The following DTNB variants were observed in gnomAD, a reference collection of about 807,000 sequenced individuals.
DTNB encodes dystrobrevin beta, also known as DTN-B.
DTNB carries 63 observed loss-of-function variants against 90.7 expected under a neutral mutation model. That is an observed-to-expected ratio of 0.69 (90% CI 0.57 to 0.86). The LOEUF is 0.86. Among genes scored for constraint, DTNB ranks in the 40% least tolerant of loss-of-function variants. The pLI is 0.00. For missense variants in DTNB, 744 were observed against 807.1 expected, an observed-to-expected ratio of 0.92 and a Z score of 0.95; for synonymous variants, 277 against 286.7, an observed-to-expected ratio of 0.97 and a Z score of 0.34.
chr2:25,534,870 G>A (rs2079074476), intron 8 of DTNB, among the ~76,000 whole-genome samples: 1 of 149,562 alleles, frequency 6.7e-6, no homozygotes, highest in South Asian at 2.1e-4. Context: ...GCTGGGCAGA[G>A]GCGCTCCTCA....
chr2:25,554,681 G>C (rs933379011), intron 8 of DTNB, among the ~76,000 whole-genome samples: 7 of 152,056 alleles, frequency 4.6e-5, no homozygotes, highest in Admixed American at 3.9e-4. Context: ...ATCAATAGGA[G>C]GATAACAGGT....
chr2:25,384,659 G>A (rs2038949993), intron 18 of DTNB, among the ~76,000 whole-genome samples: 1 of 152,160 alleles, frequency 6.6e-6, no homozygotes, highest in African/African-American at 2.4e-5. Context: ...CCCGTGAAAG[G>A]CGAGCCTGCA....
chr2:25,602,035 T>C (rs1165628463), intron 5 of DTNB, among the ~76,000 whole-genome samples: 1 of 151,356 alleles, frequency 6.6e-6, no homozygotes, highest in African/African-American at 2.4e-5. Flanking sequence ...GGCAGGAGAA[T>C]CACTTGAACC....
At chr2:25,633,591 C>G (rs2076280543) in intron 3 of DTNB, among the ~76,000 whole-genome samples, 1 of 152,044 alleles carries the variant, frequency 6.6e-6, no homozygotes, top group African/African-American at 2.4e-5. Flanking sequence ...GCCACCCCGT[C>G]TGGGAAGTGA....
rs1334554514 is a variant in DTNB, at chr2:25,459,782, C to T, written c.1080-4288G>A. Reference sequence around the variant, plus strand: ...GTGCTGGGATTACAGGTGTGAATCACCGCACCCGGCCCTGATATTATTTAT... The same window carrying T: ...GTGCTGGGATTACAGGTGTGAATCATCGCACCCGGCCCTGATATTATTTAT... On this transcript the variant is annotated intron_variant, in intron 10 of 20. Coordinates refer to ENST00000406818, the MANE Select transcript of DTNB (RefSeq NM_021907.5). Among the ~76,000 whole-genome samples, 4 of 152,070 alleles carry T rather than the reference C, an allele frequency of 2.6e-5. No individual in the cohort carries two copies. In the East Asian group the frequency reaches 5.8e-4, roughly 22 times the overall value.
At chr2:25,536,978 T>G (rs2079973329) in intron 8 of DTNB, among the ~76,000 whole-genome samples, 1 of 151,982 alleles carries the variant, frequency 6.6e-6, no homozygotes, top group Admixed American at 6.6e-5. Context: ...CCTGACCTCG[T>G]GAACCACCTG....
At chr2:25,517,437 C>T (rs1250695617) in intron 9 of DTNB, among the ~76,000 whole-genome samples, 4 of 151,824 alleles carry the variant, frequency 2.6e-5, no homozygotes, top group Non-Finnish European at 5.9e-5. Context: ...ACATAAATTA[C>T]ACCTCAAAAA....
intron 12 of DTNB, among the ~76,000 whole-genome samples, chr2:25,435,063 A>T (rs2055250628): frequency 1.3e-5 from 2 of 152,126 alleles, no homozygotes; most frequent in South Asian, 4.1e-4. Flanking sequence ...CTCTGTCACC[A>T]GGCTGGACTG....
chr2:25,661,669 A>AT (rs986080037), intron 1 of DTNB, among the ~76,000 whole-genome samples: 2 of 152,228 alleles, frequency 1.3e-5, no homozygotes, highest in Non-Finnish European at 2.9e-5. Context: ...CTAAGCTATG[A>AT]TTTTTTTAGT....
At chr2:25,552,266 T>C (rs1174326399) in intron 8 of DTNB, among the ~76,000 whole-genome samples, 1 of 152,272 alleles carries the variant, frequency 6.6e-6, no homozygotes, top group Non-Finnish European at 1.5e-5. Flanking sequence ...AGGGCAGGAA[T>C]GGGAGTTGTT....
intron 10 of DTNB, among the ~76,000 whole-genome samples, chr2:25,456,922 G>T (rs1389670249): frequency 6.6e-6 from 1 of 152,020 alleles, no homozygotes; most frequent in Non-Finnish European, 1.5e-5. Context: ...GGGAGCTCCT[G>T]TAATAGGCTC....
Position 25,605,673 on chromosome 2 carries a change from T to C in DTNB, c.448+1563A>G, listed in dbSNP as rs139159468. Among the ~76,000 whole-genome samples, 366 of 152,338 alleles carry C rather than the reference T, an allele frequency of 2.4e-3. 3 individuals are homozygous for C. The highest frequency in any genetic ancestry group is 4.0e-3 in the Non-Finnish European group (274 of 68,026). On this transcript the variant is annotated intron_variant, in intron 5 of 20. Coordinates refer to ENST00000406818, the MANE Select transcript of DTNB (RefSeq NM_021907.5). ...AGTTAATTTTCTGCTAATGTATTTT[T>C]CTACTACTGTATTTTTCAACCAGTC... is the stretch of plus-strand genomic sequence containing the variant.
chr2:25,620,543 T>A (rs892636007), intron 4 of DTNB, among the ~76,000 whole-genome samples: 5 of 152,162 alleles, frequency 3.3e-5, no homozygotes, highest in African/African-American at 4.8e-5. Context: ...ACAAAAAAAA[T>A]TTTCTGAAAG....
chr2:25,508,936 T>A (rs1346102468), intron 9 of DTNB, among the ~76,000 whole-genome samples: 1 of 152,248 alleles, frequency 6.6e-6, no homozygotes, highest in Non-Finnish European at 1.5e-5. Context: ...CTATTATAAA[T>A]GGTATTGCTT....
intron 15 of DTNB, among the ~76,000 whole-genome samples, chr2:25,420,508 A>ATCTG (rs1439284406): frequency 3.3e-5 from 4 of 122,848 alleles, no homozygotes; most frequent in African/African-American, 1.1e-4. Context: ...CTATCTATCT[A>ATCTG]TCTATCTATC....
intron 10 of DTNB, among the ~76,000 whole-genome samples, chr2:25,466,844 GTTTCT>G (rs1240048216): frequency 6.6e-6 from 1 of 152,164 alleles, no homozygotes; most frequent in Non-Finnish European, 1.5e-5. Flanking sequence ...GAACGCTGTT[GTTTCT>G]CCTCAAACAA....
At chr2:25,543,978 C>G (rs1415037251) in intron 8 of DTNB, among the ~76,000 whole-genome samples, 1 of 152,166 alleles carries the variant, frequency 6.6e-6, no homozygotes, top group Non-Finnish European at 1.5e-5. Flanking sequence ...ATAACCAGGT[C>G]TGTCACTCTT....
chr2:25,491,415 T>C (rs922290576), intron 9 of DTNB, among the ~76,000 whole-genome samples: 4 of 152,208 alleles, frequency 2.6e-5, no homozygotes, highest in African/African-American at 9.7e-5. Context: ...TACTATTATA[T>C]TTCAAGTGTC....
intron 1 of DTNB, among the ~76,000 whole-genome samples, chr2:25,667,383 G>A (rs1574262393): frequency 6.6e-6 from 1 of 152,046 alleles, no homozygotes; most frequent in East Asian, 1.9e-4. Context: ...CAGCTACTCG[G>A]GAGGCTGAGG....
Sources: allele counts gnomAD v4.1 joint callset (sites outside exome capture counted in the v4.1 genomes callset), GRCh38; gene constraint gnomAD v4.1.1; transcripts MANE v1.5; gene names NCBI Gene and HGNC (gene_info 2026-07-23, HGNC 2026-07-21).